Variants in COL4A6 observed in about 807,000 individuals in gnomAD.
COL4A6 encodes collagen alpha-6(IV) chain.
In COL4A6, 59 loss-of-function variants were observed where a neutral mutation model predicts 126.7. The ratio of observed to expected loss-of-function variants is 0.47; its 90% CI spans 0.38 to 0.58. The LOEUF (loss-of-function observed/expected upper bound fraction) is 0.58, where lower values mean the gene tolerates loss of function less well. Ranked by LOEUF, COL4A6 falls within the 20% of genes least tolerant of loss-of-function variation. COL4A6 has a pLI of 0.00. For synonymous variants in COL4A6, 547 were observed against 496.6 expected (o/e 1.10, Z -1.35); for missense variants, 1,285 against 1,337.3 (o/e 0.96, Z 0.61).
chrX:108,273,058 A>T (rs907406829), intron 3 of COL4A6, among the ~76,000 whole-genome samples: 1 of 110,119 alleles, frequency 9.1e-6, no homozygotes, highest in Non-Finnish European at 1.9e-5. Flanking sequence ...TACATTAGGT[A>T]TATCTCCTAA....
chrX:108,291,993 G>A (rs2038173560), intron 3 of COL4A6, among the ~76,000 whole-genome samples: 1 of 111,666 alleles, frequency 9.0e-6, no homozygotes, highest in African/African-American at 3.3e-5. Context: ...TCACTGTATA[G>A]AATATATCTA....
At chrX:108,241,853 G>C (rs1477274616) in intron 3 of COL4A6, among the ~76,000 whole-genome samples, 1 of 110,317 alleles carries the variant, frequency 9.1e-6, no homozygotes, top group Non-Finnish European at 1.9e-5. Context: ...ATAGCAGAGA[G>C]TTCCAGTACA....
intron 3 of COL4A6, among the ~76,000 whole-genome samples, chrX:108,294,983 T>C (rs1056970190): frequency 3.6e-5 from 4 of 112,150 alleles, no homozygotes; most frequent in African/African-American, 1.3e-4. Context: ...ATAGAGTAAA[T>C]ACAGATAGCA....
chrX:108,238,347 T>C (rs2036489138), intron 3 of COL4A6, among the ~76,000 whole-genome samples: 1 of 109,664 alleles, frequency 9.1e-6, no homozygotes, highest in African/African-American at 3.3e-5. Flanking sequence ...GACCTCGTGA[T>C]CCACCCACCT....
intron 2 of COL4A6, among the ~76,000 whole-genome samples, chrX:108,401,172 T>C (rs191110024): frequency 8.1e-5 from 9 of 111,545 alleles, no homozygotes; most frequent in Non-Finnish European, 1.7e-4. Flanking sequence ...TATTTAGATA[T>C]GTGTCTGAAA....
At chrX:108,436,202 A>T (rs1048744664) in intron 2 of COL4A6, among the ~76,000 whole-genome samples, 11 of 112,438 alleles carry the variant, frequency 9.8e-5, no homozygotes, top group Admixed American at 1.9e-4. Flanking sequence ...TCAAAAAATA[A>T]AGTATTATCT....
chrX:108,165,192 C>T (rs1423819857), intron 38 of COL4A6, among the ~76,000 whole-genome samples, 154 bp from the exon 39 acceptor site: 1 of 112,198 alleles, frequency 8.9e-6, no homozygotes, highest in African/African-American at 3.2e-5. Flanking sequence ...CTTTCCCAAA[C>T]CATTTTAGCA....
At chrX:108,269,495 C>T (rs1489719881) in intron 3 of COL4A6, among the ~76,000 whole-genome samples, 4 of 111,333 alleles carry the variant, frequency 3.6e-5, no homozygotes, top group South Asian at 7.7e-4. Flanking sequence ...TTGAGCAACT[C>T]GGTCTAAAAT....
At chrX:108,256,231 C>T (rs997636187) in intron 3 of COL4A6, among the ~76,000 whole-genome samples, 1 of 111,854 alleles carries the variant, frequency 8.9e-6, no homozygotes, top group African/African-American at 3.2e-5. Flanking sequence ...AACCTGAGAA[C>T]CAACCTAAAG....
At position 108,420,568 on chromosome X, in the gene COL4A6, G is replaced by A. The variant is rs765503313; in HGVS notation, c.63+17374C>T. ...CCTCCAGGCAGTTGAGCCTCAGTAG[G>A]GGCCTTAGTGCTTCTCAGAGGATTG... On this transcript the variant is annotated intron_variant, in intron 2 of 44. Transcript: ENST00000334504. Among the ~76,000 whole-genome samples the A allele has an allele frequency of 1.6e-4, 18 of 111,691 alleles. No homozygotes were observed. The Admixed American group carries it at 1.7e-3, about 11-fold the overall frequency.
At chrX:108,328,785 T>C (rs904706585) in intron 2 of COL4A6, among the ~76,000 whole-genome samples, 11 of 112,238 alleles carry the variant, frequency 9.8e-5, no homozygotes, top group African/African-American at 3.6e-4. Context: ...TGCAGCACTA[T>C]TCACAATAGC....
chrX:108,265,937 AAACAACACAGT>A (rs967187067), intron 3 of COL4A6, among the ~76,000 whole-genome samples: 4 of 111,485 alleles, frequency 3.6e-5, no homozygotes, highest in African/African-American at 1.3e-4. Flanking sequence ...AAACAGAACA[AAACAACACAGT>A]AAATAATAAG....
At chrX:108,328,482 C>G (rs748696613) in intron 2 of COL4A6, among the ~76,000 whole-genome samples, 5 of 110,990 alleles carry the variant, frequency 4.5e-5, no homozygotes, top group African/African-American at 1.6e-4. Context: ...GATCTAACTG[C>G]CAAAGCTTTA....
At chrX:108,223,931 T>C (rs1192329164) in intron 3 of COL4A6, among the ~76,000 whole-genome samples, 2 of 111,270 alleles carry the variant, frequency 1.8e-5, no homozygotes, top group Non-Finnish European at 1.9e-5. Context: ...ATCCAAGCCC[T>C]GACAAAAGTT....
chrX:108,308,295 G>A (rs780025049), intron 3 of COL4A6, among the ~76,000 whole-genome samples: 15 of 111,544 alleles, frequency 1.3e-4, no homozygotes, highest in Non-Finnish European at 2.8e-4. Flanking sequence ...TGTTTGCCTG[G>A]TGTAGGACTG....
chrX:108,432,691 C>T (rs2064194357), intron 2 of COL4A6, among the ~76,000 whole-genome samples: 1 of 110,653 alleles, frequency 9.0e-6, no homozygotes, highest in Non-Finnish European at 1.9e-5. Flanking sequence ...CAAAAATTAG[C>T]CGGGTGTGAT....
intron 13 of COL4A6, 47 bp from the exon 14 acceptor site, chrX:108,196,626 G>C: frequency 1.9e-6 from 2 of 1,056,331 alleles, no homozygotes; most frequent in Non-Finnish European, 2.6e-6. Context: ...TTTTCTTGTC[G>C]GTCTCCTGGC....
chrX:108,211,601 C>A, intron 7 of COL4A6, 71 bp downstream of exon 7: 1 of 975,828 alleles, frequency 1.0e-6, no homozygotes, highest in Non-Finnish European at 1.5e-6. Context: ...AATGTTTTCA[C>A]TGGAGGTGGG....
chrX:108,206,791 A>T, intron 8 of COL4A6: 1 of 516,530 alleles, frequency 1.9e-6, no homozygotes, highest in Non-Finnish European at 3.5e-6. Context: ...AAGAAGTAGC[A>T]AACTACTGAT....
Sources: gnomAD v4.1 joint callset for allele counts (sites outside exome capture counted in the v4.1 genomes callset) on GRCh38, gnomAD v4.1.1 for gene constraint, MANE v1.5 for transcripts, NCBI Gene and HGNC (gene_info 2026-07-23, HGNC 2026-07-21) for gene names.